Variants in DNASE1 observed in about 807,000 individuals in gnomAD.
DNASE1 encodes deoxyribonuclease-1.
Under a neutral mutation model 33.9 loss-of-function variants are expected in DNASE1, and 40 were observed. That is an observed-to-expected ratio of 1.18 (90% confidence interval 0.92 to 1.54). The LOEUF (loss-of-function observed/expected upper bound fraction) is 1.54, where lower values mean the gene tolerates loss of function less well. Ranked by LOEUF, DNASE1 falls within the 40% of genes most tolerant of loss-of-function variation. DNASE1 has a pLI of 0.00. For synonymous variants in DNASE1, 216 were observed against 160.0 expected (o/e 1.35, Z -2.64); for missense variants, 518 against 372.6 (o/e 1.39, Z -3.21).
At chr16:3,630,133 T>TTGTG (rs200194109) in intron 1 of DNASE1, among the ~76,000 whole-genome samples, 8,598 of 150,694 alleles carry the variant, frequency 0.057, 267 homozygotes, top group Admixed American at 0.073. Context: ...TTGTTTTTTG[T>TTGTG]TGTGTGTGTG....
upstream of DNASE1, chr16:3,651,125 C>A (rs2151205173): frequency 6.6e-6 from 1 of 152,344 alleles, no homozygotes; most frequent in East Asian, 1.9e-4. Flanking sequence ...GTCGCTGGGT[C>A]ACACAACACT....
At chr16:3,632,105 T>C (rs2041718392) in intron 1 of DNASE1, among the ~76,000 whole-genome samples, 1 of 152,218 alleles carries the variant, frequency 6.6e-6, no homozygotes, top group South Asian at 2.1e-4. Flanking sequence ...AATGCATTAG[T>C]CTGCTAAGGC....
downstream of DNASE1, chr16:3,659,175 G>C (rs1234380309): frequency 3.4e-6 from 1 of 291,026 alleles, no homozygotes; most frequent in Non-Finnish European, 6.5e-6. Flanking sequence ...TAAAAGAGAA[G>C]GGAGTAAGAC....
chr16:3,655,710 A>C, intron 2 of DNASE1, 139 bp from the exon 3 acceptor site: 1 of 1,384,390 alleles, frequency 7.2e-7, no homozygotes, highest in South Asian at 1.2e-5. Flanking sequence ...CCTGGCTGGC[A>C]GCAGGAGCCC....
chr16:3,662,808 C>G (rs1365577119), downstream of DNASE1: 2 of 1,465,028 alleles, frequency 1.4e-6, no homozygotes, highest in Non-Finnish European at 1.9e-6. Flanking sequence ...GGGCCAGGTA[C>G]TGGGAGCCAC....
intron 1 of DNASE1, among the ~76,000 whole-genome samples, chr16:3,630,734 A>T (rs2041671399): frequency 6.6e-6 from 1 of 151,746 alleles, no homozygotes; most frequent in Non-Finnish European, 1.5e-5. Context: ...ATCTAAAGTG[A>T]TTCTTTTTTG....
intron 1 of DNASE1, among the ~76,000 whole-genome samples, chr16:3,647,979 C>G (rs964299986): frequency 6.6e-6 from 1 of 151,874 alleles, no homozygotes; most frequent in Non-Finnish European, 1.5e-5. Flanking sequence ...ACCAGCCTGG[C>G]CAACATGGCA....
At chr16:3,652,088 C>T (rs540071538), upstream of DNASE1, 5 of 152,492 alleles carry the variant, frequency 3.3e-5, no homozygotes, top group African/African-American at 9.6e-5. Flanking sequence ...AGGCAGCACT[C>T]GCCATTTGTA....
chr16:3,651,458 G>C (rs1370937056), upstream of DNASE1: 1 of 152,240 alleles, frequency 6.6e-6, no homozygotes. Flanking sequence ...AATCCCAGAA[G>C]GGCTGGGCTT....
At chr16:3,662,055 C>G, downstream of DNASE1, 1 of 1,613,510 alleles carries the variant, frequency 6.2e-7, no homozygotes, top group African/African-American at 1.3e-5. Context: ...CCAGCTGCTG[C>G]ATGCGCAGGA....
chr16:3,653,663 C>G (rs967732489), upstream of DNASE1: 3 of 151,430 alleles, frequency 2.0e-5, no homozygotes, highest in African/African-American at 7.3e-5. Context: ...AAAAATTAGC[C>G]GGGTGTGGTG....
intron 1 of DNASE1, among the ~76,000 whole-genome samples, chr16:3,628,613 A>G (rs2041595699): frequency 6.6e-6 from 1 of 150,992 alleles, no homozygotes; most frequent in African/African-American, 2.4e-5. Flanking sequence ...GCTGGAGTGC[A>G]GTGGCGCAAT....
At chr16:3,659,032 AGAAAAC>A (rs1342773708), downstream of DNASE1, 2 of 666,330 alleles carry the variant, frequency 3.0e-6, no homozygotes, top group Non-Finnish European at 5.0e-6. Context: ...TTATATACCC[AGAAAAC>A]CCAAGAGAAT....
At chr16:3,662,498 G>A (rs185343242), downstream of DNASE1, 2,357 of 522,378 alleles carry the variant, frequency 4.5e-3, 11 homozygotes, top group Non-Finnish European at 6.2e-3. Flanking sequence ...GGTGGGGGGA[G>A]TCTTAGCTCT....
At chr16:3,616,200 G>C (rs1240552216) in intron 1 of DNASE1, among the ~76,000 whole-genome samples, 1 of 152,124 alleles carries the variant, frequency 6.6e-6, no homozygotes, top group Non-Finnish European at 1.5e-5. Context: ...TATATGTTCT[G>C]CTAGACAAAT....
chr16:3,663,689 G>T, exon 10 of DNASE1: 1 of 1,220,056 alleles, frequency 8.2e-7, no homozygotes, highest in Non-Finnish European at 1.1e-6. Flanking sequence ...GGGGCAGTTG[G>T]GGTTCCTAGG....
intron 1 of DNASE1, among the ~76,000 whole-genome samples, chr16:3,631,605 A>C (rs1400262537): frequency 1.3e-5 from 2 of 151,852 alleles, no homozygotes; most frequent in Non-Finnish European, 2.9e-5. Context: ...GGTCACTGCA[A>C]CCTCTACCTC....
intron 1 of DNASE1, among the ~76,000 whole-genome samples, chr16:3,620,103 A>G (rs982423177): frequency 6.6e-5 from 10 of 151,924 alleles, no homozygotes; most frequent in Admixed American, 5.2e-4. Context: ...TTTAGTAGAG[A>G]TGAGGTTTCA....
At chr16:3,613,502 G>T (rs1224678812) in intron 1 of DNASE1, among the ~76,000 whole-genome samples, 1 of 152,212 alleles carries the variant, frequency 6.6e-6, no homozygotes, top group African/African-American at 2.4e-5. Context: ...GATTCTGAAT[G>T]TTGAGCTTCA....
Sources: allele counts gnomAD v4.1 joint callset (sites outside exome capture counted in the v4.1 genomes callset), GRCh38; gene constraint gnomAD v4.1.1; transcripts MANE v1.5; gene names NCBI Gene and HGNC (gene_info 2026-07-23, HGNC 2026-07-21).